Variants in PTPRZ1 observed in about 807,000 individuals in gnomAD.
PTPRZ1 encodes the protein protein tyrosine phosphatase receptor type Z1.
PTPRZ1 carries 82 observed loss-of-function variants against 214.1 expected under a neutral mutation model. The ratio of observed to expected loss-of-function variants is 0.38; its 90% confidence interval spans 0.32 to 0.46. The LOEUF (loss-of-function observed/expected upper bound fraction) is 0.46, where lower values mean the gene tolerates loss of function less well. Ranked by LOEUF, PTPRZ1 falls within the 20% of genes least tolerant of loss-of-function variation. The pLI, the probability that PTPRZ1 is intolerant of heterozygous loss-of-function variation, is 1.00. For synonymous variants in PTPRZ1, 945 were observed against 987.9 expected (o/e 0.96, Z 0.81); for missense variants, 2,603 against 2,748.7 (o/e 0.95, Z 1.19).
intron 2 of PTPRZ1, among the ~76,000 whole-genome samples, chr7:121,945,196 A>G (rs1479906460): frequency 1.3e-5 from 2 of 152,202 alleles, no homozygotes; most frequent in Non-Finnish European, 2.9e-5. Flanking sequence ...GAAAATAAAA[A>G]AGACTAAGTG....
At chr7:121,886,228 T>C (rs935070625) in intron 1 of PTPRZ1, among the ~76,000 whole-genome samples, 7 of 152,146 alleles carry the variant, frequency 4.6e-5, no homozygotes, top group Non-Finnish European at 7.4e-5. Context: ...TGCCAGACTA[T>C]GAAGTTTCAG....
At chr7:121,950,163 A>T (rs778728406) in intron 2 of PTPRZ1, among the ~76,000 whole-genome samples, 2 of 145,228 alleles carry the variant, frequency 1.4e-5, no homozygotes, top group African/African-American at 4.9e-5. Flanking sequence ...GAGCTTGTGC[A>T]GGAGAATGCC....
Position 121,929,807 on chromosome 7 carries a change from C to CA in PTPRZ1, c.124+1596dup, listed in dbSNP as rs1191073279. 5.2e-3 allele frequency among the ~76,000 whole-genome samples: 695 copies of CA among 133,808 alleles called. 7 individuals carry two copies. The highest frequency in any genetic ancestry group is 0.018 in the African/African-American group (631 of 34,874). 87.8% of individuals were successfully genotyped at this position (133,808 alleles called of 152,430 possible). ...TGGGTGACAGAGCAAGACTCCATCT[C>CA]AAAAAAAAAATAAAAATAAAAAATA... On this transcript the variant is annotated intron_variant, in intron 2 of 29. Transcript: ENST00000393386.
chr7:121,943,443 C>T (rs1005345406), intron 2 of PTPRZ1, among the ~76,000 whole-genome samples: 8 of 152,176 alleles, frequency 5.3e-5, no homozygotes, highest in Non-Finnish European at 1.2e-4. Context: ...TCACGCCATT[C>T]TCCTGCCTCA....
In PTPRZ1 at chr7:122,036,641, G is replaced by A. The variant is rs750959809; in HGVS notation, c.5326G>A (p.Asp1776Asn). The A allele has an allele frequency of 1.8e-5, 29 of 1,609,572 alleles. No individual in the cohort carries two copies. Among genetic ancestry groups the A allele is most frequent in the Non-Finnish European group, 2.4e-5 (28 of 1,176,088 alleles). ...RVKLAQLAEK[D>N]GKLTDYINAN... ...TAAGCTAGCACAGCTTGCTGAAAAG[G>A]ATGGCAAACTGACTGATTATATCAA... is the stretch of plus-strand genomic sequence containing the variant. Residue 1776 changes from aspartate to asparagine, a missense_variant, in exon 18 of 30, where the codon GAT (aspartate) becomes AAT (asparagine). By Grantham distance (23) the Asp-to-Asn change is conservative (BLOSUM62 1). Transcript: ENST00000393386.
At chr7:121,976,302 CT>C in intron 5 of PTPRZ1, 34 bp downstream of exon 5, 1 of 1,234,494 alleles carries the variant, frequency 8.1e-7, no homozygotes, top group Non-Finnish European at 1.2e-6. Context: ...AATGTAATTC[CT>C]TTTTAAGTCA....
chr7:121,985,349 AT>A (rs961577755), intron 8 of PTPRZ1, among the ~76,000 whole-genome samples: 21 of 152,086 alleles, frequency 1.4e-4, no homozygotes, highest in African/African-American at 4.3e-4. Context: ...AATAAATATG[AT>A]TTTTTTGTCA....
At position 121,937,174 on chromosome 7, in the gene PTPRZ1, A is replaced by C. The variant is rs139950924; in HGVS notation, c.124+8953A>C. Among the ~76,000 whole-genome samples, 1,148 of 152,260 alleles carry C rather than the reference A, an allele frequency of 7.5e-3. 12 individuals are homozygous for C. The highest frequency in any genetic ancestry group is 0.026 in the African/African-American group (1,068 of 41,548). ...CAATTGCATAATTGTGCAATTGCAC[A>C]ATTGCACAAGTTTCTTTGGAAGAGA... On this transcript the variant is annotated intron_variant, in intron 2 of 29. Coordinates refer to ENST00000393386, the MANE Select transcript of PTPRZ1 (RefSeq NM_002851.3).
At chr7:121,968,225 T>C in intron 3 of PTPRZ1, 95 bp downstream of exon 3, 3 of 1,096,800 alleles carry the variant, frequency 2.7e-6, no homozygotes, top group Non-Finnish European at 3.8e-6. Context: ...AATAGTGTAC[T>C]ATGAACTAGA....
chr7:121,884,284 A>G (rs1190262712), intron 1 of PTPRZ1, among the ~76,000 whole-genome samples: 3 of 152,146 alleles, frequency 2.0e-5, no homozygotes, highest in African/African-American at 7.2e-5. Context: ...TTATATGGAA[A>G]CATATATGTA....
intron 6 of PTPRZ1, among the ~76,000 whole-genome samples, chr7:121,979,441 G>C (rs1303537409): frequency 6.6e-6 from 1 of 152,140 alleles, no homozygotes; most frequent in Non-Finnish European, 1.5e-5. Flanking sequence ...GATTTATAGT[G>C]CTTTCTTAAT....
At chr7:121,953,531 T>C (rs1796620825) in intron 2 of PTPRZ1, among the ~76,000 whole-genome samples, 1 of 152,210 alleles carries the variant, frequency 6.6e-6, no homozygotes, top group Non-Finnish European at 1.5e-5. Flanking sequence ...TCAGCCTTTA[T>C]TATCACTTTG....
chr7:122,010,161 G>A (rs1052326519), intron 11 of PTPRZ1, among the ~76,000 whole-genome samples, 173 bp from the exon 12 acceptor site: 2 of 152,146 alleles, frequency 1.3e-5, no homozygotes, highest in African/African-American at 4.8e-5. Context: ...TTACTCCCCT[G>A]TAGAGCGGAT....
At chr7:121,875,448 G>A (rs553534458) in intron 1 of PTPRZ1, among the ~76,000 whole-genome samples, 8 of 152,252 alleles carry the variant, frequency 5.3e-5, no homozygotes, top group South Asian at 2.1e-4. Context: ...CATTTGCAAA[G>A]GTTTTTCTCT....
chr7:122,019,616 T>C (rs900998811), intron 13 of PTPRZ1, among the ~76,000 whole-genome samples: 2 of 146,014 alleles, frequency 1.4e-5, no homozygotes, highest in Non-Finnish European at 1.5e-5. Context: ...GAAAACATTT[T>C]TTATATAATA....
chr7:122,054,110 G>A, intron 26 of PTPRZ1, 72 bp downstream of exon 26: 5 of 1,520,664 alleles, frequency 3.3e-6, no homozygotes, highest in Non-Finnish European at 4.5e-6. Flanking sequence ...AAAAAGTCCA[G>A]CATACAAACA....
rs189666217 is a variant in PTPRZ1, at chr7:121,883,964, T to A, written c.58+10407T>A. On this transcript the variant is annotated intron_variant, in intron 1 of 29. Coordinates refer to ENST00000393386, the MANE Select transcript of PTPRZ1 (RefSeq NM_002851.3). ...ATTCATGAAAAATACATAGGATTGT[T>A]TACTCTATGTCTCTTAAGATACATT... Among the ~76,000 whole-genome samples the A allele has an allele frequency of 3.2e-3, 487 of 152,308 alleles. 5 individuals carry two copies. The highest frequency in any genetic ancestry group is 0.011 in the African/African-American group (451 of 41,564).
At chr7:122,041,108 A>C in intron 21 of PTPRZ1, 129 bp downstream of exon 21, 2 of 855,416 alleles carry the variant, frequency 2.3e-6, no homozygotes, top group East Asian at 5.8e-5. Context: ...TTATATGTTC[A>C]TTTTCATAAG....
chr7:122,055,253 T>C (rs543791916), intron 27 of PTPRZ1, among the ~76,000 whole-genome samples, 166 bp downstream of exon 27: 1 of 152,108 alleles, frequency 6.6e-6, no homozygotes, highest in South Asian at 2.1e-4. Flanking sequence ...TTCAAAATGA[T>C]ATAGAATCAT....
Sources: gnomAD v4.1 joint callset for allele counts (sites outside exome capture counted in the v4.1 genomes callset) on GRCh38, gnomAD v4.1.1 for gene constraint, MANE v1.5 for transcripts, NCBI Gene and HGNC (gene_info 2026-07-23, HGNC 2026-07-21) for gene names.